Variants in STK39 observed in about 807,000 individuals in gnomAD.
STK39 encodes STE20/SPS1-related proline-alanine-rich protein kinase.
A neutral mutation model predicts 77.8 loss-of-function variants in STK39; 20 were observed. The observed-to-expected ratio is 0.26, with a 90% CI of 0.18 to 0.37. The LOEUF is 0.37. Among genes scored for constraint, STK39 ranks in the 10% least tolerant of loss-of-function variants. The pLI is 1.00. For synonymous variants in STK39, 246 were observed against 234.1 expected (o/e 1.05, Z -0.47); for missense variants, 479 against 656.5 (o/e 0.73, Z 2.95).
intron 1 of STK39, among the ~76,000 whole-genome samples, chr2:168,191,116 A>G (rs1689328703): frequency 6.6e-6 from 1 of 152,206 alleles, no homozygotes; most frequent in African/African-American, 2.4e-5. Flanking sequence ...GCCAGTCCCT[A>G]CTTCCAGGTC....
rs1238935952 is a variant in STK39 at position 168,243,584 on chromosome 2, TCAAA to T, written c.208+3640_208+3643del. Among the ~76,000 whole-genome samples, 3 of 152,072 alleles carry T rather than the reference TCAAA, an allele frequency of 2.0e-5. No individual in the cohort carries two copies. In the East Asian group the frequency reaches 5.8e-4, roughly 29 times the overall value. ...GCATCCTGCAAAAACCCTAAGAAAA[TCAAA>T]CAAACTCCTGCTGAGGCAGGAGTCT... On this transcript the variant is annotated intron_variant, in intron 1 of 17. Coordinates refer to ENST00000355999, the MANE Select transcript of STK39 (RefSeq NM_013233.3).
intron 16 of STK39, among the ~76,000 whole-genome samples, chr2:168,000,654 T>C (rs1982362): frequency 0.25 from 38,627 of 152,056 alleles, 5,045 homozygotes; most frequent in East Asian, 0.35. Context: ...AGGGCAGTGG[T>C]TGAGAAATTC....
chr2:168,071,094 T>C (rs1167055305), intron 12 of STK39, among the ~76,000 whole-genome samples: 1 of 152,128 alleles, frequency 6.6e-6, no homozygotes, highest in African/African-American at 2.4e-5. Flanking sequence ...CCCTCACTCA[T>C]TAAGCTTTCC....
chr2:168,018,582 G>GAAAGAAAGA (rs1164633379), intron 14 of STK39, among the ~76,000 whole-genome samples: 1 of 148,708 alleles, frequency 6.7e-6, no homozygotes, highest in East Asian at 2.0e-4. Flanking sequence ...AAGAAAGAAA[G>GAAAGAAAGA]AAAGAAAGAA....
intron 1 of STK39, among the ~76,000 whole-genome samples, chr2:168,241,435 G>A (rs1251716838): frequency 6.6e-6 from 1 of 152,188 alleles, no homozygotes; most frequent in African/African-American, 2.4e-5. Flanking sequence ...CCTTCCCGCA[G>A]GATGCTCTCA....
At chr2:168,204,876 C>G (rs1689701880) in intron 1 of STK39, among the ~76,000 whole-genome samples, 1 of 152,206 alleles carries the variant, frequency 6.6e-6, no homozygotes, top group Non-Finnish European at 1.5e-5. Flanking sequence ...ATACTCTCCG[C>G]AAGTTCCCTG....
intron 16 of STK39, among the ~76,000 whole-genome samples, chr2:167,986,845 T>G (rs973461879): frequency 1.1e-4 from 16 of 152,122 alleles, no homozygotes; most frequent in Non-Finnish European, 1.9e-4. Context: ...CAGTGTGCAG[T>G]AATGAGGCTG....
intron 14 of STK39, among the ~76,000 whole-genome samples, chr2:168,040,131 C>A (rs1268774287): frequency 6.6e-6 from 1 of 152,102 alleles, no homozygotes; most frequent in Non-Finnish European, 1.5e-5. Context: ...TCACAGTGAG[C>A]CGATTGTATG....
At chr2:168,209,786 G>A (rs1689837806) in intron 1 of STK39, among the ~76,000 whole-genome samples, 1 of 152,154 alleles carries the variant, frequency 6.6e-6, no homozygotes. Flanking sequence ...ATCACTTAAG[G>A]TCAGGAGTTC....
intron 1 of STK39, among the ~76,000 whole-genome samples, chr2:168,204,231 A>G (rs1337684213): frequency 6.6e-6 from 1 of 152,104 alleles, no homozygotes; most frequent in African/African-American, 2.4e-5. Flanking sequence ...AAGCGAGGTC[A>G]CCCTACCTTG....
intron 12 of STK39, among the ~76,000 whole-genome samples, chr2:168,073,864 C>T (rs944449534): frequency 2.0e-5 from 3 of 152,194 alleles, no homozygotes; most frequent in Non-Finnish European, 2.9e-5. Flanking sequence ...GTGATCCACC[C>T]GACTCGGCCT....
intron 10 of STK39, among the ~76,000 whole-genome samples, chr2:168,084,729 T>G (rs1430182130): frequency 6.6e-6 from 1 of 152,214 alleles, no homozygotes; most frequent in Non-Finnish European, 1.5e-5. Flanking sequence ...AGCTAAAGAA[T>G]AAACTGTTAA....
intron 1 of STK39, among the ~76,000 whole-genome samples, chr2:168,245,981 G>A (rs774088694): frequency 6.6e-6 from 1 of 151,728 alleles, no homozygotes; most frequent in Admixed American, 6.6e-5. Flanking sequence ...ATATATTTCC[G>A]TCTATGCTGT....
At chr2:168,003,675 A>G (rs534032985) in intron 16 of STK39, among the ~76,000 whole-genome samples, 2 of 152,218 alleles carry the variant, frequency 1.3e-5, no homozygotes, top group Non-Finnish European at 2.9e-5. Context: ...CTAAGGTATT[A>G]AACTTAACAC....
intron 16 of STK39, among the ~76,000 whole-genome samples, chr2:167,976,041 G>T (rs1030821992): frequency 6.6e-6 from 1 of 152,078 alleles, no homozygotes; most frequent in African/African-American, 2.4e-5. Flanking sequence ...GATCTTAAAA[G>T]AACTCCTCAA....
chr2:168,238,476 T>TA (rs1196640035), intron 1 of STK39, among the ~76,000 whole-genome samples: 16 of 152,360 alleles, frequency 1.1e-4, no homozygotes, highest in Admixed American at 9.8e-4. Context: ...TCAGGGATAA[T>TA]ATGAATGTAG....
intron 10 of STK39, among the ~76,000 whole-genome samples, chr2:168,124,536 T>A (rs192531885): frequency 6.6e-6 from 1 of 152,110 alleles, no homozygotes; most frequent in African/African-American, 2.4e-5. Context: ...AGTAGCTGGG[T>A]TTACAGGCAA....
chr2:168,211,715 A>G (rs1260731753), intron 1 of STK39, among the ~76,000 whole-genome samples: 1 of 152,234 alleles, frequency 6.6e-6, no homozygotes. Context: ...GGAGCTCATG[A>G]GAGGAATCTG....
At chr2:168,118,126 C>G (rs1460026522) in intron 10 of STK39, among the ~76,000 whole-genome samples, 1 of 151,936 alleles carries the variant, frequency 6.6e-6, no homozygotes, top group East Asian at 1.9e-4. Flanking sequence ...CCAGGATGCT[C>G]GGGGAGCACT....
Sources: gnomAD v4.1 joint callset for allele counts (sites outside exome capture counted in the v4.1 genomes callset) on GRCh38, gnomAD v4.1.1 for gene constraint, MANE v1.5 for transcripts, NCBI Gene and HGNC (gene_info 2026-07-23, HGNC 2026-07-21) for gene names.